The following PRICKLE3 variants were observed in gnomAD, a reference collection of about 807,000 sequenced individuals.
The protein encoded by PRICKLE3 is prickle planar cell polarity protein 3, also known as LIM domain only protein 6.
PRICKLE3 carries 17 observed loss-of-function variants against 33.8 expected under a neutral mutation model. The ratio of observed to expected loss-of-function variants is 0.50; its 90% CI spans 0.34 to 0.75. The LOEUF (loss-of-function observed/expected upper bound fraction) is 0.75, where lower values mean the gene tolerates loss of function less well. PRICKLE3 is among the 30% of genes least tolerant of loss of function. The probability of loss-of-function intolerance (pLI) is 0.01; values close to 1 mark genes in which losing one functional copy is unlikely to be tolerated. For synonymous variants in PRICKLE3, 211 were observed against 219.6 expected (o/e 0.96, Z 0.34); for missense variants, 573 against 576.7 (o/e 0.99, Z 0.07).
At chrX:49,184,900 C>T in intron 1 of PRICKLE3, 190 bp from the exon 2 acceptor site, 1 of 1,123,914 alleles carries the variant, frequency 8.9e-7, no homozygotes, top group Non-Finnish European at 1.2e-6. Flanking sequence ...AGAGGCGGGG[C>T]AGTTGGAGCC....
Position 49,176,985 on chromosome X carries a change from A to T in PRICKLE3, c.1173T>A (p.Leu391=). 1 of 1,211,128 alleles carries T rather than the reference A, an allele frequency of 8.3e-7. No homozygotes were observed. The highest frequency in any genetic ancestry group is 1.1e-6 in the Non-Finnish European group (1 of 895,079). ...SWSAGPVTAP[L]AASTASFSAV... is the part of the protein sequence containing the mutation. ...CAGAGAAAGAGGCTGTGGAGGCTGC[A>T]AGTGGGGCTGTGACAGGGCCGGCAC... Residue 391 remains leucine (L), a synonymous_variant, in exon 8 of 9, where the codon CTT becomes CTA. Transcript: ENST00000599218.
At chrX:49,181,479 A>G (rs1557100958) in intron 3 of PRICKLE3, among the ~76,000 whole-genome samples, 1 of 93,015 alleles carries the variant, frequency 1.1e-5, no homozygotes, top group African/African-American at 3.9e-5. Flanking sequence ...ATATATATGT[A>G]TATAGATGTA....
chrX:49,178,266 C>A lies in PRICKLE3; in HGVS notation c.768+6G>T, dbSNP rs782691422. 4.2e-6 allele frequency: 5 copies of A among 1,199,075 alleles called. No individual in the cohort carries two copies. The African/African-American group carries it at 8.7e-5, about 21-fold the overall frequency. On this transcript the variant is annotated splice_donor_region_variant and intron_variant, in intron 6 of 8. Coordinates refer to ENST00000599218, the MANE Select transcript of PRICKLE3 (RefSeq NM_006150.5). ...AACTCCCACCCCTGGGCAGGGAGGC[C>A]CAAACCTCGTCACAGGCTTGGCAGC...
intron 3 of PRICKLE3, among the ~76,000 whole-genome samples, chrX:49,180,852 A>G (rs887304085): frequency 1.8e-5 from 2 of 111,290 alleles, no homozygotes; most frequent in Non-Finnish European, 3.8e-5. Context: ...TGACAAACAC[A>G]TACGTCCAGC....
intron 8 of PRICKLE3, 75 bp from the exon 9 acceptor site, chrX:49,176,340 A>G (rs2065417199): frequency 6.3e-6 from 5 of 796,619 alleles, no homozygotes; most frequent in Non-Finnish European, 8.7e-6. Flanking sequence ...GGCCTGCGGA[A>G]GGGCCTTCTT....
chrX:49,181,388 G>A (rs1557100964), intron 3 of PRICKLE3, among the ~76,000 whole-genome samples: 2,806 of 82,499 alleles, frequency 0.034, 174 homozygotes, highest in African/African-American at 0.13. Context: ...ATGTGTGTGT[G>A]TATATATATA....
chrX:49,179,186 G>A, intron 5 of PRICKLE3, 65 bp downstream of exon 5: 1 of 1,153,351 alleles, frequency 8.7e-7, no homozygotes, highest in Admixed American at 2.5e-5. Flanking sequence ...CTTGGAAGAT[G>A]TGTCCTGCTC....
At chrX:49,185,102 G>A (rs782473034) in intron 1 of PRICKLE3, among the ~76,000 whole-genome samples, 8 of 111,184 alleles carry the variant, frequency 7.2e-5, no homozygotes, top group South Asian at 3.7e-4. Flanking sequence ...TCCTCTCCCC[G>A]GCCTCATCCC....
Position 49,183,722 on chromosome X carries a change from G to A in PRICKLE3, c.312+12C>T. 1 of 1,211,617 alleles carries A rather than the reference G, an allele frequency of 8.3e-7. No individual in the cohort carries two copies. Among genetic ancestry groups the A allele is most frequent in the Non-Finnish European group, 1.1e-6 (1 of 895,373 alleles). On this transcript the variant is annotated intron_variant, in intron 3 of 8. Transcript: ENST00000599218. ...ACTGGACAGCAAGAGTGGAGGGCTGGCCTCTGGTCACCTGCTCCGGCTTAA... is the reference window on the plus strand; with the variant it reads ...ACTGGACAGCAAGAGTGGAGGGCTGACCTCTGGTCACCTGCTCCGGCTTAA...
intron 5 of PRICKLE3, 22 bp from the exon 6 acceptor site, chrX:49,178,497 G>C: frequency 8.4e-7 from 1 of 1,190,817 alleles, no homozygotes; most frequent in Non-Finnish European, 1.1e-6. Context: ...CAAGCACCAA[G>C]ATGGTTACCA....
In PRICKLE3 at chrX:49,176,211, G is replaced by A. The variant is rs782158023; in HGVS notation, c.1310C>T (p.Ser437Phe). 3 of 1,160,904 alleles carry A rather than the reference G, an allele frequency of 2.6e-6. No homozygotes were observed. In the African/African-American group the frequency reaches 5.4e-5, roughly 21 times the overall value. ...RFLRGAPHRHSMPELGLRSVP... is the reference protein window; with the variant it reads ...RFLRGAPHRHFMPELGLRSVP... ...ACTGCGGAGCCCCAGTTCCGGCATG[G>A]AGTGGCGGTGGGGAGCCCCTCTCAG... Residue 437 changes from serine (S) to phenylalanine (F), a missense_variant, in exon 9 of 9, where the codon TCC becomes TTC. Ser to Phe is a radical substitution (Grantham distance 155). Transcript: ENST00000599218.
intron 3 of PRICKLE3, among the ~76,000 whole-genome samples, chrX:49,180,035 C>T (rs900028217): frequency 3.7e-5 from 2 of 54,384 alleles, no homozygotes; most frequent in Non-Finnish European, 6.0e-5. Context: ...TGCTGATCAC[C>T]TTTTTTTTTT....
At chrX:49,181,551 G>T in intron 3 of PRICKLE3, among the ~76,000 whole-genome samples, 1 of 5,328 alleles carries the variant, frequency 1.9e-4, no homozygotes, top group African/African-American at 7.9e-4. Flanking sequence ...ACGTATATGT[G>T]TATATATATA....
rs2065474437 is a variant in PRICKLE3, at chrX:49,184,696, C to T, written c.57G>A (p.Glu19=). The change falls in exon 2 of 9, where the codon GAG becomes GAA. Residue 19 remains glutamate (E), a synonymous_variant. Transcript: ENST00000599218. The part of the protein sequence containing the change: ...RRSGRAPPEA[E]DPDRGQPCNS... ...TGCAGGGCTGGCCCCGGTCTGGGTC[C>T]TCTGCCTCTGGAGGCTGCAGTGGGC... is the stretch of plus-strand genomic sequence containing the variant. 1 of 1,161,576 alleles carries T rather than the reference C, an allele frequency of 8.6e-7. No homozygotes were observed. The highest frequency in any genetic ancestry group is 2.6e-5 in the Admixed American group (1 of 38,429).
chrX:49,176,378 G>C (rs2065417543), intron 8 of PRICKLE3, 113 bp from the exon 9 acceptor site: 1 of 560,681 alleles, frequency 1.8e-6, no homozygotes, highest in African/African-American at 2.3e-5. Flanking sequence ...GAAAGTGGGG[G>C]CAGGGGTCGG....
intron 8 of PRICKLE3, 23 bp from the exon 9 acceptor site, chrX:49,176,288 A>T (rs781952512): frequency 1.9e-6 from 2 of 1,063,377 alleles, no homozygotes; most frequent in African/African-American, 3.9e-5. Flanking sequence ...AGACAGAGTG[A>T]CTCCTTGTAT....
At position 49,174,810 on chromosome X, in the gene PRICKLE3, A is replaced by G; in HGVS notation, c.*863T>C. On this transcript the variant is annotated 3_prime_UTR_variant, in exon 9 of 9. Coordinates refer to ENST00000599218, the MANE Select transcript of PRICKLE3 (RefSeq NM_006150.5). ...CCAACTCCCACCCCCTCTTTGAGGT[A>G]AAAGTGCCTTTATTGGGAGACTTTT... is the stretch of plus-strand genomic sequence containing the variant. 1.5e-6 allele frequency: 1 copy of G among 659,894 alleles called. No homozygotes were observed. The highest frequency in any genetic ancestry group is 3.5e-5 in the East Asian group (1 of 28,657). 54.4% of individuals were successfully genotyped at this position (659,894 alleles called of 1,213,427 possible). A position where few individuals can be genotyped will look rare whatever the true frequency, so the allele number is the denominator to read the frequency against.
chrX:49,184,817 C>T, intron 1 of PRICKLE3, 107 bp from the exon 2 acceptor site: 2 of 1,164,696 alleles, frequency 1.7e-6, no homozygotes, highest in South Asian at 3.8e-5. Context: ...ACGCTGGGGC[C>T]TGTCTTACCT....
At position 49,183,877 on chromosome X, in the gene PRICKLE3, C is replaced by T; in HGVS notation, c.169G>A (p.Ala57Thr). 3 of 1,210,599 alleles carry T rather than the reference C, an allele frequency of 2.5e-6. No individual in the cohort carries two copies. The highest frequency in any genetic ancestry group is 3.4e-6 in the Non-Finnish European group (3 of 894,388). ...AGGTCCACAGGCACCGCGTGCACTG[C>T]ATGCTCCTCCCGCGGGCATTTGCAA... ...QHCKCPREEH[A>T]VHAVPVDLER... The change falls in exon 3 of 9, where the codon GCA becomes ACA. Residue 57 changes from alanine to threonine, a missense_variant. By Grantham distance (58) the Ala-to-Thr change is moderately conservative. Coordinates refer to ENST00000599218, the MANE Select transcript of PRICKLE3 (RefSeq NM_006150.5).
Sources: gnomAD v4.1 joint callset for allele counts (sites outside exome capture counted in the v4.1 genomes callset) on GRCh38, gnomAD v4.1.1 for gene constraint, MANE v1.5 for transcripts, NCBI Gene and HGNC (gene_info 2026-07-23, HGNC 2026-07-21) for gene names.